Variants in IFT74 observed in about 807,000 individuals in gnomAD.
IFT74 encodes the protein intraflagellar transport 74, also known as intraflagellar transport protein 74 homolog.
IFT74 carries 92 observed loss-of-function variants against 96.7 expected under a neutral mutation model. The observed-to-expected ratio is 0.95, with a 90% CI of 0.80 to 1.13. IFT74 has a LOEUF of 1.13. IFT74 is among the 50% of genes most tolerant of loss of function. The pLI is 0.00. For synonymous variants in IFT74, 223 were observed against 213.2 expected (o/e 1.05, Z -0.40); for missense variants, 811 against 698.2 (o/e 1.16, Z -1.82).
chr9:27,051,265 T>C (rs1010538400), intron 16 of IFT74, among the ~76,000 whole-genome samples: 2 of 152,208 alleles, frequency 1.3e-5, no homozygotes, highest in Admixed American at 6.5e-5. Context: ...AGTGGTGATA[T>C]AGGTATATAA....
At chr9:27,034,722 G>A (rs1819091044) in intron 13 of IFT74, among the ~76,000 whole-genome samples, 1 of 152,072 alleles carries the variant, frequency 6.6e-6, no homozygotes, top group African/African-American at 2.4e-5. Context: ...TAGAGATGGG[G>A]TTTCTCCATG....
Position 26,999,493 on chromosome 9 carries a change from A to G in IFT74, c.587+9298A>G, listed in dbSNP as rs1231231639. On this transcript the variant is annotated intron_variant, in intron 8 of 19. Transcript: ENST00000380062. ...GGAATTTGGATATACAGAGCTAAAT[A>G]AACTCTTAATTTTAGTAGGTCAGAT... 3 of 687,980 alleles carry G rather than the reference A, an allele frequency of 4.4e-6. No individual in the cohort carries two copies. The East Asian group carries it at 8.8e-5, about 20-fold the overall frequency. The allele number at this position is 687,980 out of a possible 1,614,324, so 42.6% of individuals were successfully genotyped here. A position where few individuals can be genotyped will look rare whatever the true frequency, so the allele number is the denominator to read the frequency against.
chr9:27,057,702 C>T (rs1820228995), intron 18 of IFT74, among the ~76,000 whole-genome samples: 1 of 151,914 alleles, frequency 6.6e-6, no homozygotes. Flanking sequence ...ACTAAAAATA[C>T]AAAAAATTAG....
Position 27,044,746 on chromosome 9 carries a change from A to G in IFT74, c.1059A>G (p.Glu353=). 1 of 1,564,462 alleles carries G rather than the reference A, an allele frequency of 6.4e-7. No homozygotes were observed. Among genetic ancestry groups the G allele is most frequent in the Non-Finnish European group, 8.7e-7 (1 of 1,143,516 alleles). The change falls in exon 14 of 20, where the codon GAA becomes GAG. Residue 353 remains glutamate, a synonymous_variant. Coordinates refer to ENST00000380062, the MANE Select transcript of IFT74 (RefSeq NM_025103.4). ...LDMDLEEHQG[E]MNQKYKELKK... ...TGTATTTTATATCTCTCATAGGTGA[A>G]ATGAACCAGAAATACAAGGAGCTAA...
At chr9:26,948,872 G>A (rs1043405630) in intron 1 of IFT74, among the ~76,000 whole-genome samples, 3 of 151,624 alleles carry the variant, frequency 2.0e-5, no homozygotes, top group Non-Finnish European at 4.4e-5. Context: ...TAGACATTTC[G>A]AATTTGTCAC....
chr9:26,983,629 A>G (rs539890106), intron 4 of IFT74, among the ~76,000 whole-genome samples: 1 of 152,284 alleles, frequency 6.6e-6, no homozygotes, highest in East Asian at 1.9e-4. Context: ...TGTGATGATG[A>G]CAGTTAAGCA....
intron 2 of IFT74, among the ~76,000 whole-genome samples, chr9:26,963,786 G>A (rs536102010): frequency 4.5e-4 from 68 of 152,236 alleles, no homozygotes; most frequent in African/African-American, 1.3e-3. Context: ...GATGTCTTTC[G>A]CCCACTTTTT....
chr9:27,042,357 G>C (rs565919236), intron 13 of IFT74, among the ~76,000 whole-genome samples: 3 of 152,098 alleles, frequency 2.0e-5, no homozygotes, highest in Non-Finnish European at 4.4e-5. Context: ...GAAAAATAAT[G>C]ATCTGAGAGT....
chr9:27,044,360 A>G (rs954523085), intron 13 of IFT74, among the ~76,000 whole-genome samples: 7 of 152,126 alleles, frequency 4.6e-5, no homozygotes, highest in African/African-American at 7.2e-5. Flanking sequence ...ATTTTAATTA[A>G]TTGTTCAATC....
At chr9:26,995,933 T>G (rs368266214) in intron 8 of IFT74, 1 of 900,484 alleles carries the variant, frequency 1.1e-6, no homozygotes. Flanking sequence ...CTAATTCTCC[T>G]CAATATTGGT....
At chr9:27,061,318 A>G (rs914409140) in intron 19 of IFT74, among the ~76,000 whole-genome samples, 20 of 152,222 alleles carry the variant, frequency 1.3e-4, no homozygotes, top group African/African-American at 4.8e-4. Flanking sequence ...TACTGCTTGT[A>G]AGTTACAAAC....
chr9:26,954,909 C>T (rs1313604004), upstream of IFT74, among the ~76,000 whole-genome samples: 1 of 151,972 alleles, frequency 6.6e-6, no homozygotes, highest in African/African-American at 2.4e-5. Context: ...AGATATGGTG[C>T]CTACTCTAAG....
chr9:27,028,720 A>C (rs6475952), intron 12 of IFT74: 186,061 of 186,770 alleles, frequency 1, 92,683 homozygotes, highest in Middle Eastern at 1. Flanking sequence ...CGCACCACTG[A>C]ACTTCAGCCT....
intron 1 of IFT74, among the ~76,000 whole-genome samples, chr9:26,949,491 C>T (rs1469526706): frequency 1.3e-5 from 2 of 152,156 alleles, no homozygotes; most frequent in Non-Finnish European, 2.9e-5. Flanking sequence ...CTTCCACCAA[C>T]CCCTTATAAA....
intron 2 of IFT74, among the ~76,000 whole-genome samples, chr9:26,973,182 A>T (rs1396254021): frequency 2.0e-5 from 3 of 152,230 alleles, no homozygotes; most frequent in African/African-American, 7.2e-5. Flanking sequence ...ACTGATGATC[A>T]TAAGGAATTT....
At chr9:27,007,388 A>G (rs1012057171) in intron 8 of IFT74, among the ~76,000 whole-genome samples, 4 of 152,218 alleles carry the variant, frequency 2.6e-5, no homozygotes, top group African/African-American at 9.6e-5. Context: ...AATTCCTTCC[A>G]AAAGATTAAT....
rs751124072 is a variant in IFT74 at position 27,011,937 on chromosome 9, C to T, written c.758C>T (p.Ser253Leu). The T allele has an allele frequency of 4.4e-6, 7 of 1,582,022 alleles. No homozygotes were observed. The highest frequency in any genetic ancestry group is 6.0e-6 in the Non-Finnish European group (7 of 1,165,144). Residue 253 changes from serine to leucine, a missense_variant, in exon 10 of 20, where the codon TCA becomes TTA. By Grantham distance (145) the Ser-to-Leu change is moderately radical. Transcript: ENST00000380062. ...ELDTLQQQLD[S>L]QNMKKESLEA... ...GATACACTTCAACAACAATTGGATT[C>T]ACAGAACATGAAAAAAGAGAGCCTG...
intron 4 of IFT74, chr9:26,982,480 G>C (rs1827428568): frequency 3.1e-6 from 1 of 321,040 alleles, no homozygotes; most frequent in Non-Finnish European, 5.9e-6. Flanking sequence ...TTTTGAGACA[G>C]AGTTTTGCTC....
chr9:27,013,190 G>T (rs962339704), intron 10 of IFT74, among the ~76,000 whole-genome samples: 1 of 152,002 alleles, frequency 6.6e-6, no homozygotes, highest in African/African-American at 2.4e-5. Flanking sequence ...CCTCAAGTGG[G>T]GTTCCTACGT....
Sources: gnomAD v4.1 joint callset for allele counts (sites outside exome capture counted in the v4.1 genomes callset) on GRCh38, gnomAD v4.1.1 for gene constraint, MANE v1.5 for transcripts, NCBI Gene and HGNC (gene_info 2026-07-23, HGNC 2026-07-21) for gene names.